Variants in KDM4A observed in about 807,000 individuals in gnomAD.
KDM4A encodes lysine-specific demethylase 4A.
A neutral mutation model predicts 127.1 loss-of-function variants in KDM4A; 23 were observed. The ratio of observed to expected loss-of-function variants is 0.18; its 90% CI spans 0.13 to 0.26. The LOEUF is 0.26. KDM4A is among the 10% of genes least tolerant of loss of function. The pLI is 1.00. For synonymous variants in KDM4A, 443 were observed against 466.5 expected (o/e 0.95, Z 0.65); for missense variants, 890 against 1,329.1 (o/e 0.67, Z 5.14).
At chr1:43,660,227 G>A (rs1339338772) in intron 3 of KDM4A, 71 bp from the exon 4 acceptor site, 2 of 1,498,966 alleles carry the variant, frequency 1.3e-6, no homozygotes, top group African/African-American at 1.4e-5. Context: ...AGGGGATTAT[G>A]TCTTGTAATG....
rs1323823150 is a variant in KDM4A, at chr1:43,690,857, G to A, written c.2050G>A (p.Gly684Ser). The A allele has an allele frequency of 4.3e-6, 7 of 1,614,178 alleles. No individual in the cohort carries two copies. In the East Asian group the frequency reaches 1.3e-4, roughly 31 times the overall value. The change falls in exon 14 of 22, where the codon GGC becomes AGC. Residue 684 changes from glycine (G) to serine (S), a missense_variant. Gly to Ser is a moderately conservative substitution (Grantham distance 56). Around this residue, in one of 7 missense-constraint regions of KDM4A, gnomAD observed 389 missense variants for 485.9 expected, o/e 0.80. Coordinates refer to ENST00000372396, the MANE Select transcript of KDM4A (RefSeq NM_014663.3). The stretch of plus-strand genomic sequence containing the variant: ...TCTTTCCCCTTAGGTTGAATTTGGA[G>A]GCTTTAATCAGAACTGTGGAAATGC... Reference protein sequence around the residue: ...FQTYHQVEFGGFNQNCGNASD... With the variant: ...FQTYHQVEFGSFNQNCGNASD...
At chr1:43,658,958 G>GTTT (rs58811976) in intron 3 of KDM4A, among the ~76,000 whole-genome samples, 45 of 145,772 alleles carry the variant, frequency 3.1e-4, no homozygotes, top group African/African-American at 9.5e-4. Context: ...TCTAAAAGAA[G>GTTT]TTTTTTTTTT....
At position 43,703,600 on chromosome 1, in the gene KDM4A, C is replaced by T. The variant is rs765628777; in HGVS notation, c.2842-17C>T. The T allele has an allele frequency of 6.2e-7, 1 of 1,613,282 alleles. No homozygotes were observed. Among genetic ancestry groups the T allele is most frequent in the African/African-American group, 1.3e-5 (1 of 74,912 alleles). The stretch of plus-strand genomic sequence containing the variant: ...GGTGGACGTTCCTTTCACCCTCCTT[C>T]CTTCCTGTTTCCTCAGAGCCAGGAC... On this transcript the variant is annotated splice_polypyrimidine_tract_variant and intron_variant, in intron 19 of 21. Transcript: ENST00000372396.
chr1:43,652,671 CTTTCTTTCT>C (rs1281014994), intron 1 of KDM4A, among the ~76,000 whole-genome samples: 37 of 138,780 alleles, frequency 2.7e-4, no homozygotes, highest in Non-Finnish European at 4.7e-4. Context: ...TTCTTTCTTT[CTTTCTTTCT>C]TTTTTTTTTT....
At chr1:43,699,709 A>C (rs1176759493) in intron 19 of KDM4A, 4 of 152,000 alleles carry the variant, frequency 2.6e-5, no homozygotes, top group Non-Finnish European at 5.9e-5. Context: ...CAATTTTGCA[A>C]ATCTCTTTAA....
intron 11 of KDM4A, among the ~76,000 whole-genome samples, chr1:43,675,232 G>A (rs988080068): frequency 9.2e-5 from 14 of 152,150 alleles, no homozygotes; most frequent in Admixed American, 2.0e-4. Context: ...AACTGTCTTG[G>A]CTGCCCTGCC....
At chr1:43,681,092 C>T (rs1053191245) in intron 11 of KDM4A, among the ~76,000 whole-genome samples, 13 of 152,260 alleles carry the variant, frequency 8.5e-5, no homozygotes, top group African/African-American at 1.9e-4. Context: ...AAATACTCCA[C>T]GACGTATTCA....
Position 43,657,271 on chromosome 1 carries a change from C to T in KDM4A, c.314+1505C>T, listed in dbSNP as rs188125717. On this transcript the variant is annotated intron_variant, in intron 3 of 21. Transcript: ENST00000372396. ...AGGCTAGAGTGCAGTGGCGTGATCT[C>T]GGCTCACTGCAGCCTCCGCCTCCTG... is the stretch of plus-strand genomic sequence containing the variant. 2.1e-3 allele frequency among the ~76,000 whole-genome samples: 319 copies of T among 151,690 alleles called. 2 individuals are homozygous for T. The highest frequency in any genetic ancestry group is 7.4e-3 in the African/African-American group (308 of 41,354).
intron 3 of KDM4A, among the ~76,000 whole-genome samples, chr1:43,660,089 C>T (rs1345129496): frequency 2.0e-5 from 3 of 152,198 alleles, no homozygotes; most frequent in African/African-American, 7.2e-5. Context: ...TCTGTGTGTA[C>T]ATTACCTTCC....
At chr1:43,686,994 G>A (rs1660998359) in intron 12 of KDM4A, among the ~76,000 whole-genome samples, 1 of 152,182 alleles carries the variant, frequency 6.6e-6, no homozygotes, top group African/African-American at 2.4e-5. Context: ...CTTTGTAAAT[G>A]GAACAGATGT....
intron 12 of KDM4A, among the ~76,000 whole-genome samples, chr1:43,686,367 C>G (rs1240877814): frequency 7.6e-6 from 1 of 132,018 alleles, no homozygotes; most frequent in African/African-American, 2.8e-5. Flanking sequence ...GAGTCTTACT[C>G]ACTCTGTTGC....
chr1:43,683,754 A>C lies in KDM4A; in HGVS notation c.1805A>C (p.Lys602Thr). ...KSKGRRQPLS[K>T]LPRHHPLVLQ... is the part of the protein sequence containing the mutation. ...AAGGGACGCCGTCAGCCTTTAAGCA[A>C]GCTCCCCCGCCATCACCCACTTGTG... The change falls in exon 12 of 22, where the codon AAG becomes ACG. Residue 602 changes from lysine to threonine, a missense_variant. Physicochemically the swap from Lys to Thr is moderately conservative, Grantham distance 78. Coordinates refer to ENST00000372396, the MANE Select transcript of KDM4A (RefSeq NM_014663.3). 6.2e-7 allele frequency: 1 copy of C among 1,614,128 alleles called. No homozygotes were observed. Among genetic ancestry groups the C allele is most frequent in the Non-Finnish European group, 8.5e-7 (1 of 1,180,014 alleles).
chr1:43,676,810 G>A (rs934054829), intron 11 of KDM4A, among the ~76,000 whole-genome samples: 13 of 152,126 alleles, frequency 8.5e-5, no homozygotes, highest in Admixed American at 8.5e-4. Context: ...ATTGGTAAAT[G>A]CATCACCTTA....
intron 11 of KDM4A, among the ~76,000 whole-genome samples, chr1:43,675,082 C>G (rs762921407): frequency 1.3e-5 from 2 of 152,192 alleles, no homozygotes; most frequent in South Asian, 2.1e-4. Context: ...TTCTTGGTTC[C>G]TTTTTATTTC....
intron 18 of KDM4A, among the ~76,000 whole-genome samples, chr1:43,696,398 G>A (rs565439101): frequency 6.6e-6 from 1 of 152,356 alleles, no homozygotes; most frequent in East Asian, 1.9e-4. Context: ...AAGGAAGAAC[G>A]TGATAGATGG....
intron 19 of KDM4A, among the ~76,000 whole-genome samples, chr1:43,698,530 A>G (rs992108348): frequency 1.3e-5 from 2 of 152,178 alleles, no homozygotes; most frequent in Admixed American, 6.5e-5. Flanking sequence ...GTGGCCCCAC[A>G]TGGACCCAGT....
At chr1:43,698,699 CAG>C (rs1273054943) in intron 19 of KDM4A, among the ~76,000 whole-genome samples, 1 of 152,218 alleles carries the variant, frequency 6.6e-6, no homozygotes, top group Non-Finnish European at 1.5e-5. Flanking sequence ...ATTAGCCACT[CAG>C]TTGCTAAAAG....
chr1:43,670,549 C>G (rs902481432), intron 10 of KDM4A, among the ~76,000 whole-genome samples: 1 of 147,868 alleles, frequency 6.8e-6, no homozygotes, highest in African/African-American at 2.5e-5. Context: ...TACACCACGC[C>G]TGGCTAATTT....
intron 9 of KDM4A, among the ~76,000 whole-genome samples, chr1:43,668,854 C>A (rs1053710194): frequency 1.3e-5 from 2 of 152,164 alleles, no homozygotes; most frequent in African/African-American, 4.8e-5. Flanking sequence ...CTCTGCATAC[C>A]TTTTCTTAAT....
Sources: allele counts gnomAD v4.1 joint callset (sites outside exome capture counted in the v4.1 genomes callset), GRCh38; gene constraint gnomAD v4.1.1; regional missense constraint gnomAD v4.1.1; transcripts MANE v1.5; gene names NCBI Gene and HGNC (gene_info 2026-07-23, HGNC 2026-07-21).